The following NECTIN3 variants were observed in gnomAD, a reference collection of about 807,000 sequenced individuals.
The protein encoded by NECTIN3 is nectin cell adhesion molecule 3.
Under a neutral mutation model 49.4 loss-of-function variants are expected in NECTIN3, and 8 were observed. That is an observed-to-expected ratio of 0.16 (90% CI 0.10 to 0.29). The LOEUF (loss-of-function observed/expected upper bound fraction) is 0.29, where lower values mean the gene tolerates loss of function less well. NECTIN3 is among the 10% of genes least tolerant of loss of function. The pLI is 1.00. For synonymous variants in NECTIN3, 277 were observed against 241.1 expected (o/e 1.15, Z -1.38); for missense variants, 581 against 654.6 (o/e 0.89, Z 1.23).
intron 1 of NECTIN3, among the ~76,000 whole-genome samples, chr3:111,090,337 C>T (rs2032189259): frequency 6.6e-6 from 1 of 151,920 alleles, no homozygotes; most frequent in Non-Finnish European, 1.5e-5. Flanking sequence ...TTGTATAATT[C>T]TTCATAATTC....
chr3:111,074,914 A>G (rs1205302711), intron 1 of NECTIN3: 1 of 151,872 alleles, frequency 6.6e-6, no homozygotes, highest in African/African-American at 2.4e-5. Flanking sequence ...TATCATGGGT[A>G]TGGTAATGAT....
Position 111,147,490 on chromosome 3 carries a change from T to C in NECTIN3, c.1221+6T>C, listed in dbSNP as rs79608409. 9,164 of 1,486,170 alleles carry C rather than the reference T, an allele frequency of 6.2e-3. 284 individuals are homozygous for C. In the East Asian group the frequency reaches 0.095, roughly 15 times the overall value. The allele number at this position is 1,486,170 out of a possible 1,614,324, so 92.1% of individuals were successfully genotyped here. A position where few individuals can be genotyped will look rare whatever the true frequency, so the allele number is the denominator to read the frequency against. Reference sequence around the variant, plus strand: ...CTCAGAAAGACCTATTTCAGGTATGTGTTCATGAGTACACTTAAGATAATG... The same window carrying C: ...CTCAGAAAGACCTATTTCAGGTATGCGTTCATGAGTACACTTAAGATAATG... On this transcript the variant is annotated splice_donor_region_variant and intron_variant, in intron 7 of 8. Coordinates refer to the NECTIN3 transcript ENST00000493615.
rs375316132 is a variant in NECTIN3 at position 111,111,883 on chromosome 3, ATG to A, written c.161-134_161-133del. ...TTTTGTGTGTGGTGCGTGTGAGTGC[ATG>A]TGTGTGTGTGTGCATGTGTGTGTGT... On this transcript the variant is annotated intron_variant, in intron 1 of 5. Coordinates refer to ENST00000485303, the MANE Select transcript of NECTIN3 (RefSeq NM_015480.3). 3,960 of 529,524 alleles carry A rather than the reference ATG, an allele frequency of 7.5e-3. 16 individuals carry two copies. The highest frequency in any genetic ancestry group is 7.6e-3 in the Non-Finnish European group (2,279 of 300,454). The allele number at this position is 529,524 out of a possible 1,614,324, so 32.8% of individuals were successfully genotyped here.
At chr3:111,097,949 C>G (rs547764269) in intron 1 of NECTIN3, among the ~76,000 whole-genome samples, 1 of 152,276 alleles carries the variant, frequency 6.6e-6, no homozygotes, top group Admixed American at 6.5e-5. Flanking sequence ...CTTTGAAATT[C>G]TCTTGTGTAG....
At chr3:111,140,818 G>C (rs981291954), downstream of NECTIN3, among the ~76,000 whole-genome samples, 6 of 151,954 alleles carry the variant, frequency 3.9e-5, no homozygotes, top group African/African-American at 1.4e-4. Context: ...TGGGTGCTCT[G>C]TGTGGCAGGA....
At chr3:111,093,152 C>T (rs2032372259) in intron 1 of NECTIN3, among the ~76,000 whole-genome samples, 1 of 152,114 alleles carries the variant, frequency 6.6e-6, no homozygotes, top group African/African-American at 2.4e-5. Context: ...TCCTTCAAAC[C>T]TGATGAACTG....
intron 1 of NECTIN3, among the ~76,000 whole-genome samples, chr3:111,085,158 A>G: frequency 6.6e-6 from 1 of 152,238 alleles, no homozygotes; most frequent in Non-Finnish European, 1.5e-5. Flanking sequence ...CCACTCAGGT[A>G]TGACCACATC....
chr3:111,075,108 A>C (rs551588713), intron 1 of NECTIN3: 3 of 152,230 alleles, frequency 2.0e-5, no homozygotes, highest in Admixed American at 2.0e-4. Context: ...GGGACATAAC[A>C]CACGCATAAG....
intron 1 of NECTIN3, among the ~76,000 whole-genome samples, chr3:111,106,488 C>A (rs959391990): frequency 5.3e-5 from 8 of 152,096 alleles, no homozygotes; most frequent in African/African-American, 1.7e-4. Context: ...ATTCACCTGG[C>A]TTTATTCTTA....
At position 111,136,060 on chromosome 3, in the gene NECTIN3, T is replaced by A. The variant is rs2034564167; in HGVS notation, c.*1845T>A. 1 of 981,906 alleles carries A rather than the reference T, an allele frequency of 1.0e-6. No homozygotes were observed. Among genetic ancestry groups the A allele is most frequent in the Non-Finnish European group, 1.2e-6 (1 of 827,084 alleles). 60.8% of individuals were successfully genotyped at this position (981,906 alleles called of 1,614,324 possible). ...GATAAAACACTGTGATTGATGTGAC[T>A]TTATTTTTAATTTAAACGATGAGGT... On this transcript the variant is annotated 3_prime_UTR_variant, in exon 6 of 6. Coordinates refer to ENST00000485303, the MANE Select transcript of NECTIN3 (RefSeq NM_015480.3).
chr3:111,145,096 GTTTACC>G, intron 6 of NECTIN3: 1 of 1,473,012 alleles, frequency 6.8e-7, no homozygotes, highest in Non-Finnish European at 9.2e-7. Context: ...CAATCTTTAT[GTTTACC>G]TTTACAGCTC....
upstream of NECTIN3, among the ~76,000 whole-genome samples, chr3:111,188,424 A>G (rs2035758538): frequency 6.6e-6 from 1 of 152,176 alleles, no homozygotes; most frequent in African/African-American, 2.4e-5. Flanking sequence ...GAGAAAAGAA[A>G]TTTACCCATT....
At chr3:111,128,909 A>G (rs1374698535) in intron 5 of NECTIN3, among the ~76,000 whole-genome samples, 2 of 152,160 alleles carry the variant, frequency 1.3e-5, no homozygotes, top group South Asian at 2.1e-4. Context: ...ATGTCAGCTC[A>G]TGTCACTCCT....
chr3:111,080,470 A>G (rs1384963269), intron 1 of NECTIN3, among the ~76,000 whole-genome samples: 3 of 152,180 alleles, frequency 2.0e-5, no homozygotes. Flanking sequence ...TTCCCTAAGA[A>G]AAATACATGT....
chr3:111,166,424 G>A (rs2035321361), intron 7 of NECTIN3, among the ~76,000 whole-genome samples: 1 of 152,114 alleles, frequency 6.6e-6, no homozygotes, highest in South Asian at 2.1e-4. Context: ...AAAACAATGA[G>A]CAGCAAGGAA....
At chr3:111,180,311 C>T (rs1205180520) in intron 7 of NECTIN3, among the ~76,000 whole-genome samples, 1 of 152,148 alleles carries the variant, frequency 6.6e-6, no homozygotes, top group Non-Finnish European at 1.5e-5. Flanking sequence ...TGCTTGGAAC[C>T]AGCAATGTTA....
rs187153336 is a variant in NECTIN3 at position 111,165,532 on chromosome 3, G to A, written c.1221+18048G>A. On this transcript the variant is annotated intron_variant, in intron 7 of 8. Transcript: ENST00000493615. ...AGTAGAGAAAATCTTTTAAGGAAATGTAAGGAGAAGATTGAAACTGCCCCA... is the reference window on the plus strand; with the variant it reads ...AGTAGAGAAAATCTTTTAAGGAAATATAAGGAGAAGATTGAAACTGCCCCA... Among the ~76,000 whole-genome samples the A allele has an allele frequency of 3.3e-5, 5 of 152,178 alleles. 1 individual carries two copies. In the South Asian group the frequency reaches 1.0e-3, roughly 32 times the overall value.
At chr3:111,179,086 T>C (rs1243142753) in intron 7 of NECTIN3, among the ~76,000 whole-genome samples, 1 of 152,244 alleles carries the variant, frequency 6.6e-6, no homozygotes, top group East Asian at 1.9e-4. Context: ...TCCTTATAAG[T>C]TGTAATTGTA....
intron 2 of NECTIN3, among the ~76,000 whole-genome samples, chr3:111,115,471 A>G (rs1013721637): frequency 1.9e-4 from 29 of 152,210 alleles, no homozygotes; most frequent in African/African-American, 6.5e-4. Flanking sequence ...GACCAGCAGC[A>G]TTGGCATCAC....
Sources: allele counts gnomAD v4.1 joint callset (sites outside exome capture counted in the v4.1 genomes callset), GRCh38; gene constraint gnomAD v4.1.1; transcripts MANE v1.5; gene names NCBI Gene and HGNC (gene_info 2026-07-23, HGNC 2026-07-21).